Variants in EML5 observed in about 807,000 individuals in gnomAD.
EML5 encodes the protein echinoderm microtubule-associated protein-like 5.
Under a neutral mutation model 250.0 loss-of-function variants are expected in EML5, and 120 were observed. The observed-to-expected ratio is 0.48, with a 90% CI of 0.41 to 0.56. The LOEUF is 0.56. EML5 is among the 20% of genes least tolerant of loss of function. The pLI, the probability that EML5 is intolerant of heterozygous loss-of-function variation, is 0.00. For missense variants in EML5, 2,006 were observed against 2,437.6 expected, an observed-to-expected ratio of 0.82 and a Z score of 3.73; for synonymous variants, 771 against 806.5, an observed-to-expected ratio of 0.96 and a Z score of 0.75.
At chr14:88,653,254 G>T (rs1334376857) in intron 27 of EML5, among the ~76,000 whole-genome samples, 1 of 152,178 alleles carries the variant, frequency 6.6e-6, no homozygotes, top group Non-Finnish European at 1.5e-5. Context: ...GAGACAATTT[G>T]ACTTCCTCTT....
rs1053101660 is a variant in EML5 at position 88,740,237 on chromosome 14, A to G, written c.711+150T>C. The G allele has an allele frequency of 1.3e-5, 7 of 539,310 alleles. No homozygotes were observed. The African/African-American group carries it at 1.3e-4, about 10-fold the overall frequency. The allele number at this position is 539,310 out of a possible 1,614,324, so 33.4% of individuals were successfully genotyped here. On this transcript the variant is annotated intron_variant, in intron 5 of 43. Transcript: ENST00000554922. ...GAGTCTAATTGATTTCTTCATTGAA[A>G]TCTTGAAAACAAATAGATAATTCAG...
At chr14:88,720,814 T>C (rs1323981608) in intron 8 of EML5, among the ~76,000 whole-genome samples, 1 of 152,154 alleles carries the variant, frequency 6.6e-6, no homozygotes, top group South Asian at 2.1e-4. Context: ...CATATTCAAA[T>C]AGGAAGAGAG....
intron 21 of EML5, among the ~76,000 whole-genome samples, chr14:88,679,387 C>G (rs2092668598): frequency 6.6e-6 from 1 of 151,838 alleles, no homozygotes; most frequent in South Asian, 2.1e-4. Flanking sequence ...AATATTATAG[C>G]TTGCTATCAA....
In EML5 at chr14:88,763,601, T is replaced by C. The variant is rs560995669; in HGVS notation, c.198-8930A>G. ...TACAAAGAGGAGCTGGTACCATTCCTTCCAGAACACTTCCAAACAATAGAA... is the reference window on the plus strand; with the variant it reads ...TACAAAGAGGAGCTGGTACCATTCCCTCCAGAACACTTCCAAACAATAGAA... On this transcript the variant is annotated intron_variant, in intron 1 of 43. Coordinates refer to ENST00000554922, the MANE Select transcript of EML5 (RefSeq NM_183387.3). 3.3e-5 allele frequency among the ~76,000 whole-genome samples: 5 copies of C among 152,288 alleles called. No individual in the cohort carries two copies. The South Asian group carries it at 1.0e-3, about 32-fold the overall frequency.
intron 14 of EML5, among the ~76,000 whole-genome samples, chr14:88,698,654 G>A (rs1250407801): frequency 6.6e-6 from 1 of 152,044 alleles, no homozygotes; most frequent in East Asian, 1.9e-4. Context: ...TAATTCTCCA[G>A]TCTTCTCATT....
chr14:88,726,001 A>G (rs1260727889), intron 8 of EML5, among the ~76,000 whole-genome samples: 2 of 152,220 alleles, frequency 1.3e-5, no homozygotes, highest in Non-Finnish European at 2.9e-5. Context: ...GTGGATCTAC[A>G]GCAAATTTCT....
intron 16 of EML5, 96 bp from the exon 17 acceptor site, chr14:88,694,503 C>T (rs1471501154): frequency 2.6e-5 from 22 of 848,946 alleles, no homozygotes; most frequent in East Asian, 5.5e-5. Flanking sequence ...ACTCTATTTA[C>T]GAATATTTTA....
At position 88,746,195 on chromosome 14, in the gene EML5, T is replaced by C; in HGVS notation, c.446A>G (p.His149Arg). ...RGKMLSMAPG[H>R]TDRIFDISWD... Reference sequence around the variant, plus strand: ...AAAGAGAATACTTACTCTATCTGTATGACCAGGAGCCATAGACAACATTTT... The same window carrying C: ...AAAGAGAATACTTACTCTATCTGTACGACCAGGAGCCATAGACAACATTTT... The change falls in exon 3 of 44, where the codon CAT becomes CGT. Residue 149 changes from histidine (H) to arginine (R), a missense_variant. Around this residue, in one of 7 missense-constraint regions of EML5, gnomAD observed 162 missense variants for 212.2 expected, o/e 0.76. Coordinates refer to ENST00000554922, the MANE Select transcript of EML5 (RefSeq NM_183387.3). 6.2e-7 allele frequency: 1 copy of C among 1,612,468 alleles called. No homozygotes were observed. The highest frequency in any genetic ancestry group is 1.1e-5 in the South Asian group (1 of 90,998).
intron 14 of EML5, among the ~76,000 whole-genome samples, chr14:88,697,897 A>G (rs7153044): frequency 0.4 from 60,884 of 151,644 alleles, 14,705 homozygotes; most frequent in African/African-American, 0.66. Context: ...CACCACACCC[A>G]GCTAATTTTT....
At chr14:88,780,594 T>TG (rs2094488401) in intron 1 of EML5, among the ~76,000 whole-genome samples, 1 of 151,982 alleles carries the variant, frequency 6.6e-6, no homozygotes, top group Non-Finnish European at 1.5e-5. Flanking sequence ...TCTTTTAAGA[T>TG]GGAGTCTCAC....
At chr14:88,767,068 C>A (rs1481358384) in intron 1 of EML5, among the ~76,000 whole-genome samples, 1 of 152,162 alleles carries the variant, frequency 6.6e-6, no homozygotes, top group Non-Finnish European at 1.5e-5. Context: ...ATATCCTGAG[C>A]ACTTCGAATA....
rs1567013334 is a variant in EML5, at chr14:88,618,216, ATAAG to A, written c.5642+8_5642+11del. 12 of 1,611,010 alleles carry A rather than the reference ATAAG, an allele frequency of 7.4e-6. No homozygotes were observed. The highest frequency in any genetic ancestry group is 9.3e-6 in the Non-Finnish European group (11 of 1,177,702). On this transcript the variant is annotated splice_region_variant and intron_variant, in intron 41 of 43. Coordinates refer to ENST00000554922, the MANE Select transcript of EML5 (RefSeq NM_183387.3). Reference sequence around the variant, plus strand: ...AAGTCAGTTCTTGCCTTGTGAATATATAAGTATTTACCTAGTCCATGTAGCCCAA... The same window carrying A: ...AAGTCAGTTCTTGCCTTGTGAATATATATTTACCTAGTCCATGTAGCCCAA...
intron 21 of EML5, among the ~76,000 whole-genome samples, chr14:88,681,074 GT>G (rs1262831453): frequency 6.6e-6 from 1 of 152,128 alleles, no homozygotes; most frequent in African/African-American, 2.4e-5. Context: ...TAAACAAGAA[GT>G]ATGATGTTAA....
intron 1 of EML5, among the ~76,000 whole-genome samples, chr14:88,755,984 C>T (rs74736944): frequency 0.026 from 3,911 of 152,194 alleles, 158 homozygotes; most frequent in African/African-American, 0.089. Flanking sequence ...CCACTGCATT[C>T]CAGCCTGGGC....
At chr14:88,782,802 G>A (rs969293406) in intron 1 of EML5, among the ~76,000 whole-genome samples, 16 of 152,258 alleles carry the variant, frequency 1.1e-4, no homozygotes, top group East Asian at 9.6e-4. Context: ...TGCCTGGATC[G>A]GGCACGGTGG....
intron 41 of EML5, 57 bp downstream of exon 41, chr14:88,618,171 G>T: frequency 6.9e-7 from 1 of 1,453,054 alleles, no homozygotes. Flanking sequence ...TCAGAAATAG[G>T]ATTTTCTAAC....
intron 36 of EML5, 112 bp downstream of exon 36, chr14:88,624,858 G>GGAA (rs34443018): frequency 0.16 from 187,468 of 1,156,390 alleles, 19,357 homozygotes; most frequent in East Asian, 0.48. Context: ...CATATGAGGA[G>GGAA]GAAGGTCGGA....
intron 17 of EML5, 147 bp downstream of exon 17, chr14:88,694,159 AC>A: frequency 1.6e-6 from 1 of 616,638 alleles, no homozygotes; most frequent in South Asian, 2.0e-5. Flanking sequence ...TGAACTCAAG[AC>A]TTCATTCAGA....
intron 1 of EML5, among the ~76,000 whole-genome samples, chr14:88,780,306 AT>A (rs1441070147): frequency 6.6e-6 from 1 of 152,124 alleles, no homozygotes; most frequent in African/African-American, 2.4e-5. Flanking sequence ...GTTCTAGGCT[AT>A]TTTTTGGAGG....
Sources: gnomAD v4.1 joint callset for allele counts (sites outside exome capture counted in the v4.1 genomes callset) on GRCh38, gnomAD v4.1.1 for gene constraint, gnomAD v4.1.1 regional missense constraint, MANE v1.5 for transcripts, NCBI Gene and HGNC (gene_info 2026-07-23, HGNC 2026-07-21) for gene names.